The following ZNF704 variants were observed in gnomAD, a reference collection of about 807,000 sequenced individuals.
ZNF704 encodes the protein glucocorticoid induced gene 1.
A neutral mutation model predicts 44.7 loss-of-function variants in ZNF704; 10 were observed. The ratio of observed to expected loss-of-function variants is 0.22; its 90% CI spans 0.14 to 0.38. The LOEUF is 0.38. Ranked by LOEUF, ZNF704 falls within the 10% of genes least tolerant of loss-of-function variation. ZNF704 has a pLI of 1.00. For missense variants in ZNF704, 390 were observed against 545.5 expected (o/e 0.71, Z 2.84); for synonymous variants, 211 against 207.6 (o/e 1.02, Z -0.14).
intron 2 of ZNF704, among the ~76,000 whole-genome samples, chr8:80,769,061 T>C (rs1359738759): frequency 1.3e-5 from 2 of 152,152 alleles, no homozygotes; most frequent in Non-Finnish European, 2.9e-5. Context: ...AAAATACTGG[T>C]ATATGATTTT....
the ZNF704 span, among the ~76,000 whole-genome samples, chr8:80,884,333 G>A: frequency 4.6e-5 from 7 of 152,036 alleles, no homozygotes; most frequent in South Asian, 2.1e-4. Context: ...CATTTTTGTC[G>A]CATTCCTATA....
At chr8:80,727,538 G>A (rs575702639) in intron 2 of ZNF704, among the ~76,000 whole-genome samples, 53 of 151,718 alleles carry the variant, frequency 3.5e-4, no homozygotes, top group Admixed American at 1.1e-3. Context: ...GTTCGCCTTC[G>A]GGTTTTAAAT....
At chr8:80,671,502 CAGTT>C (rs1261091536) in intron 4 of ZNF704, among the ~76,000 whole-genome samples, 5 of 152,214 alleles carry the variant, frequency 3.3e-5, no homozygotes, top group Non-Finnish European at 5.9e-5. Context: ...GGAAGTGAAT[CAGTT>C]AGCAGAATGC....
intron 1 of ZNF704, among the ~76,000 whole-genome samples, chr8:80,822,508 T>A (rs1370840592): frequency 6.6e-6 from 1 of 152,216 alleles, no homozygotes; most frequent in East Asian, 1.9e-4. Context: ...AATAAACATA[T>A]GTGTGCATGT....
chr8:80,837,552 TCGAGCTGCCTGG>T (rs1808603041), intron 1 of ZNF704, among the ~76,000 whole-genome samples: 1 of 151,896 alleles, frequency 6.6e-6, no homozygotes. Context: ...GGGCAGACCA[TCGAGCTGCCTGG>T]TCCCCAGGTA....
chr8:80,862,116 G>C (rs1167863062), intron 1 of ZNF704, among the ~76,000 whole-genome samples: 2 of 136,902 alleles, frequency 1.5e-5, no homozygotes, highest in East Asian at 4.3e-4. Flanking sequence ...CAATTCTCCT[G>C]TCTCAGCCTC....
chr8:80,704,497 G>T (rs1818864811), intron 2 of ZNF704, among the ~76,000 whole-genome samples: 1 of 152,196 alleles, frequency 6.6e-6, no homozygotes, highest in South Asian at 2.1e-4. Context: ...CTGGTGGCAG[G>T]CAGCTTCTAT....
At chr8:80,823,070 A>C (rs1008825691) in intron 1 of ZNF704, among the ~76,000 whole-genome samples, 5 of 152,170 alleles carry the variant, frequency 3.3e-5, no homozygotes, top group Non-Finnish European at 7.3e-5. Context: ...TACCAGGTTC[A>C]TCTCAATGGG....
intron 7 of ZNF704, among the ~76,000 whole-genome samples, chr8:80,657,957 C>T (rs960540868): frequency 6.6e-6 from 1 of 152,086 alleles, no homozygotes; most frequent in Non-Finnish European, 1.5e-5. Flanking sequence ...AGAGTTTTAA[C>T]ATTCTATTGT....
chr8:80,641,518 T>C (rs1817743068), intron 8 of ZNF704, 41 bp from the exon 9 acceptor site: 1 of 1,348,772 alleles, frequency 7.4e-7, no homozygotes, highest in South Asian at 1.3e-5. Flanking sequence ...TGGGAGGAAT[T>C]CAATGGGCAT....
intron 2 of ZNF704, among the ~76,000 whole-genome samples, chr8:80,698,682 C>T (rs1162621238): frequency 6.6e-6 from 1 of 152,170 alleles, no homozygotes; most frequent in East Asian, 1.9e-4. Flanking sequence ...TGTCTGATGA[C>T]TGTGGCAGCA....
chr8:80,730,287 C>T (rs953673188), intron 2 of ZNF704, among the ~76,000 whole-genome samples: 2 of 151,980 alleles, frequency 1.3e-5, no homozygotes, highest in African/African-American at 4.8e-5. Context: ...ATTTAAATCC[C>T]AGCACTTTGG....
At chr8:80,642,841 A>G (rs1384233170) in intron 8 of ZNF704, among the ~76,000 whole-genome samples, 194 bp downstream of exon 8, 1 of 152,226 alleles carries the variant, frequency 6.6e-6, no homozygotes, top group Non-Finnish European at 1.5e-5. Flanking sequence ...CTTATTGTAA[A>G]TCATTACCCC....
intron 2 of ZNF704, among the ~76,000 whole-genome samples, chr8:80,730,213 ATTGT>A (rs1806555408): frequency 6.6e-6 from 1 of 152,126 alleles, no homozygotes; most frequent in South Asian, 2.1e-4. Context: ...TCCAGAAAAT[ATTGT>A]TTGTGTGCTC....
At chr8:80,763,357 T>A (rs1233402446) in intron 2 of ZNF704, among the ~76,000 whole-genome samples, 4 of 152,212 alleles carry the variant, frequency 2.6e-5, no homozygotes, top group Admixed American at 2.6e-4. Context: ...TTCTCTGAAA[T>A]CTAGGTGGAG....
chr8:80,711,014 G>A (rs1008269243), intron 2 of ZNF704, among the ~76,000 whole-genome samples: 3 of 152,170 alleles, frequency 2.0e-5, no homozygotes, highest in Non-Finnish European at 4.4e-5. Flanking sequence ...CGGGAGACAG[G>A]AATACCAAAA....
In ZNF704 at chr8:80,638,380, G is replaced by A. The variant is rs1817692417; in HGVS notation, c.*2986C>T. The A allele has an allele frequency of 6.6e-6, 1 of 152,458 alleles. No homozygotes were observed. Among genetic ancestry groups the A allele is most frequent in the African/African-American group, 2.4e-5 (1 of 41,404 alleles). The allele number at this position is 152,458 out of a possible 1,614,324, so 9.4% of individuals were successfully genotyped here. On this transcript the variant is annotated 3_prime_UTR_variant, in exon 9 of 9. Transcript: ENST00000327835. ...GAATCCATTGTTTTGCATGCCTTTT[G>A]CGTAGATTGGCCTCTGAGCTCCCTG...
intron 4 of ZNF704, among the ~76,000 whole-genome samples, chr8:80,672,234 T>C (rs1331538160): frequency 1.3e-5 from 2 of 152,090 alleles, no homozygotes; most frequent in African/African-American, 4.8e-5. Context: ...CTCACACCAG[T>C]CAGAATGGCT....
chr8:80,630,432 T>C lies in ZNF704; in HGVS notation c.*10934A>G, dbSNP rs1817564895. On this transcript the variant is annotated 3_prime_UTR_variant, in exon 9 of 9. Transcript: ENST00000327835. The stretch of plus-strand genomic sequence containing the variant: ...TTGTTTAGCAGGCACTAAAAAGCAA[T>C]GTTTTCTACTGATTGCATTTCCACT... The C allele has an allele frequency of 6.6e-6, 1 of 152,258 alleles. No homozygotes were observed. The highest frequency in any genetic ancestry group is 2.4e-5 in the African/African-American group (1 of 41,474). The allele number at this position is 152,258 out of a possible 1,614,324, so 9.4% of individuals were successfully genotyped here.
Sources: gnomAD v4.1 joint callset for allele counts (sites outside exome capture counted in the v4.1 genomes callset) on GRCh38, gnomAD v4.1.1 for gene constraint, MANE v1.5 for transcripts, NCBI Gene and HGNC (gene_info 2026-07-23, HGNC 2026-07-21) for gene names.